TMEM9B: variants seen among roughly 807,000 people sequenced by gnomAD.
TMEM9B encodes the protein TMEM9 domain family member B.
Under a neutral mutation model 23.5 loss-of-function variants are expected in TMEM9B, and 8 were observed. The observed-to-expected ratio is 0.34, with a 90% confidence interval of 0.20 to 0.61. TMEM9B has a LOEUF of 0.61. Ranked by LOEUF, TMEM9B falls within the 20% of genes least tolerant of loss-of-function variation. The pLI, the probability that TMEM9B is intolerant of heterozygous loss-of-function variation, is 0.78. For missense variants in TMEM9B, 197 were observed against 252.3 expected, an observed-to-expected ratio of 0.78 and a Z score of 1.49; for synonymous variants, 106 against 96.3, an observed-to-expected ratio of 1.10 and a Z score of -0.59.
At chr11:8,951,194 C>T (rs1853868185) in intron 4 of TMEM9B, among the ~76,000 whole-genome samples, 3 of 152,080 alleles carry the variant, frequency 2.0e-5, no homozygotes, top group Non-Finnish European at 4.4e-5. Flanking sequence ...ATTATATTGT[C>T]TATTTCTGAA....
At chr11:8,953,558 A>G (rs190517076) in intron 3 of TMEM9B, among the ~76,000 whole-genome samples, 13 of 152,308 alleles carry the variant, frequency 8.5e-5, no homozygotes, top group African/African-American at 2.9e-4. Flanking sequence ...CAAGACTCCA[A>G]CTTCACCTAC....
At position 8,957,208 on chromosome 11, in the gene TMEM9B, G is replaced by A. The variant is rs1403346333; in HGVS notation, c.198-910C>T. On this transcript the variant is annotated intron_variant, in intron 2 of 4. Coordinates refer to ENST00000534025, the MANE Select transcript of TMEM9B (RefSeq NM_020644.3). This position sits in a 1 kb window ranked among gnomAD's most constrained non-coding sequence, Gnocchi z 4.3. ...CTAAAATATTTTAAAACAAAAACTG[G>A]TTATTCCAAAGAACTAAATAAAAAC... 6.6e-6 allele frequency among the ~76,000 whole-genome samples: 1 copy of A among 152,130 alleles called. No homozygotes were observed. Among genetic ancestry groups the A allele is most frequent in the Non-Finnish European group, 1.5e-5 (1 of 68,036 alleles).
rs1209282888 is a variant in TMEM9B, at chr11:8,964,331, T to A, written c.-18A>T. On this transcript the variant is annotated 5_prime_UTR_variant, in exon 1 of 5. Coordinates refer to ENST00000534025, the MANE Select transcript of TMEM9B (RefSeq NM_020644.3). ...GTCGCCATCGCTGGGGGCCCAGCGG[T>A]CCCACAGCCCGGAGCCCCCGCGACC... is the stretch of plus-strand genomic sequence containing the variant. 6 of 1,553,344 alleles carry A rather than the reference T, an allele frequency of 3.9e-6. No homozygotes were observed. In the South Asian group the frequency reaches 7.2e-5, roughly 19 times the overall value.
intron 4 of TMEM9B, among the ~76,000 whole-genome samples, chr11:8,949,715 A>G (rs1853841167): frequency 6.6e-6 from 1 of 152,200 alleles, no homozygotes; most frequent in African/African-American, 2.4e-5. Context: ...AAAGATATCA[A>G]AGAGTTTTTA....
intron 1 of TMEM9B, 27 bp downstream of exon 1, chr11:8,964,182 T>C: frequency 6.4e-7 from 1 of 1,552,676 alleles, no homozygotes; most frequent in Non-Finnish European, 8.7e-7. Context: ...GGAGCTTCCG[T>C]CAGGAGCGAG....
At position 8,964,407 on chromosome 11, in the gene TMEM9B, G is replaced by C; in HGVS notation, c.-94C>G. 2.0e-6 allele frequency: 3 copies of C among 1,469,144 alleles called. No homozygotes were observed. The highest frequency in any genetic ancestry group is 2.7e-6 in the Non-Finnish European group (3 of 1,114,626). The allele number at this position is 1,469,144 out of a possible 1,614,324, so 91.0% of individuals were successfully genotyped here. On this transcript the variant is annotated 5_prime_UTR_variant, in exon 1 of 5. Transcript: ENST00000534025. ...GGCTCAGGCTCAGGCACAGGCTTGG[G>C]ACCCGGCTGGGGATCCTCCGCCCGC...
chr11:8,952,281 C>CACACA (rs1555228012), intron 4 of TMEM9B, among the ~76,000 whole-genome samples: 23 of 147,514 alleles, frequency 1.6e-4, no homozygotes, highest in Admixed American at 6.0e-4. Flanking sequence ...CACACACACG[C>CACACA]TATATATATA....
At chr11:8,953,441 A>C (rs1417129110) in intron 3 of TMEM9B, 104 bp from the exon 4 acceptor site, 1 of 1,115,134 alleles carries the variant, frequency 9.0e-7, no homozygotes, top group Non-Finnish European at 1.3e-6. Context: ...AGCCTATAGG[A>C]TTTCTATACA....
rs1853787484 is a variant in TMEM9B at position 8,947,363 on chromosome 11, A to G, written c.*957T>C. The G allele has an allele frequency of 6.6e-6, 1 of 152,616 alleles. No homozygotes were observed. The highest frequency in any genetic ancestry group is 6.5e-5 in the Admixed American group (1 of 15,278). The allele number at this position is 152,616 out of a possible 1,614,324, so 9.5% of individuals were successfully genotyped here. A position where few individuals can be genotyped will look rare whatever the true frequency, so the allele number is the denominator to read the frequency against. On this transcript the variant is annotated 3_prime_UTR_variant, in exon 5 of 5. Coordinates refer to ENST00000534025, the MANE Select transcript of TMEM9B (RefSeq NM_020644.3). The stretch of plus-strand genomic sequence containing the variant: ...TAGGAAGAAAAAAGCCAGTTATCCA[A>G]TAATGGTTAGACCTTTCAGAAGAGG...
chr11:8,964,473 T>A, upstream of TMEM9B: 3 of 1,421,216 alleles, frequency 2.1e-6, no homozygotes, highest in Non-Finnish European at 2.7e-6. Context: ...GCGCGCCGGG[T>A]CAGATGCAAA....
At chr11:8,952,249 TACACAC>T (rs142506777) in intron 4 of TMEM9B, among the ~76,000 whole-genome samples, 7,626 of 122,546 alleles carry the variant, frequency 0.062, 387 homozygotes, top group East Asian at 0.27. Context: ...GCCAACTATA[TACACAC>T]ACACACACAC....
At chr11:8,962,285 C>G (rs1397519539) in intron 1 of TMEM9B, 102 bp from the exon 2 acceptor site, 4 of 688,038 alleles carry the variant, frequency 5.8e-6, no homozygotes, top group Non-Finnish European at 4.8e-6. Context: ...TTTAGAATAC[C>G]AAGTATTCTA....
At position 8,957,753 on chromosome 11, in the gene TMEM9B, GAA is replaced by G. The variant is rs1423829931; in HGVS notation, c.198-1457_198-1456del. On this transcript the variant is annotated intron_variant, in intron 2 of 4. Coordinates refer to ENST00000534025, the MANE Select transcript of TMEM9B (RefSeq NM_020644.3). The surrounding 1 kb of genome is among the most constrained non-coding windows in gnomAD (Gnocchi z 4.3). ...GGATTTTGAATATTTTCAACACAAA[GAA>G]ATGATAAATGTCTGAGATGCTAAAT... Among the ~76,000 whole-genome samples, 1 of 152,156 alleles carries G rather than the reference GAA, an allele frequency of 6.6e-6. No homozygotes were observed. The highest frequency in any genetic ancestry group is 2.4e-5 in the African/African-American group (1 of 41,434).
At chr11:8,949,410 CT>C (rs1406688067) in intron 4 of TMEM9B, among the ~76,000 whole-genome samples, 1 of 152,164 alleles carries the variant, frequency 6.6e-6, no homozygotes, top group African/African-American at 2.4e-5. Flanking sequence ...TTTTGTTTGC[CT>C]TTTCCTTGAT....
chr11:8,963,561 A>T (rs1854118543), intron 1 of TMEM9B, among the ~76,000 whole-genome samples: 1 of 152,196 alleles, frequency 6.6e-6, no homozygotes, highest in Admixed American at 6.5e-5. Flanking sequence ...TTCTTCCCTT[A>T]CCCACTAAAT....
rs1460147141 is a variant in TMEM9B at position 8,953,331 on chromosome 11, T to C, written c.313A>G (p.Ile105Val). 2.5e-6 allele frequency: 4 copies of C among 1,613,250 alleles called. No homozygotes were observed. Among genetic ancestry groups the C allele is most frequent in the East Asian group, 2.2e-5 (1 of 44,874 alleles). Residue 105 changes from isoleucine to valine, a missense_variant, in exon 4 of 5, where the codon ATT (isoleucine) becomes GTT (valine). Physicochemically the swap from Ile to Val is conservative, Grantham distance 29. Coordinates refer to ENST00000534025, the MANE Select transcript of TMEM9B (RefSeq NM_020644.3). ...CCCAAAATGGAGAGATAAATTATAA[T>C]GGTAACCTAAAGGAAATTGAAAATT... ...ERSSVTIKVTIIIYLSILGLL... is the reference protein window; with the variant it reads ...ERSSVTIKVTVIIYLSILGLL...
intron 4 of TMEM9B, 45 bp downstream of exon 4, chr11:8,953,158 T>C: frequency 6.2e-7 from 1 of 1,613,478 alleles, no homozygotes; most frequent in Non-Finnish European, 8.5e-7. Flanking sequence ...CATCGAATGA[T>C]GACAGGGACT....
At chr11:8,964,751 G>A (rs1854169422), upstream of TMEM9B, 1 of 170,276 alleles carries the variant, frequency 5.9e-6, no homozygotes, top group Admixed American at 6.4e-5. Flanking sequence ...GGCGACCCGT[G>A]CGGGCCGGAG....
chr11:8,963,888 G>A, intron 1 of TMEM9B: 1 of 355,070 alleles, frequency 2.8e-6, no homozygotes, highest in Middle Eastern at 7.8e-4. Flanking sequence ...AGGTGAAAAG[G>A]TTGTCAAGTG....
Sources: allele counts gnomAD v4.1 joint callset (sites outside exome capture counted in the v4.1 genomes callset), GRCh38; gene constraint gnomAD v4.1.1; non-coding constraint Gnocchi (gnomAD v3.1); transcripts MANE v1.5; gene names NCBI Gene and HGNC (gene_info 2026-07-23, HGNC 2026-07-21).